The following DDX54 variants were observed in gnomAD, a reference collection of about 807,000 sequenced individuals.
DDX54 encodes DEAD-box helicase 54.
In DDX54, 67 loss-of-function variants were observed where a neutral mutation model predicts 105.5. The ratio of observed to expected loss-of-function variants is 0.64; its 90% CI spans 0.52 to 0.78. The LOEUF (loss-of-function observed/expected upper bound fraction) is 0.78. DDX54 is among the 30% of genes least tolerant of loss of function. DDX54 has a pLI of 0.00. For missense variants in DDX54, 1,206 were observed against 1,230.5 expected, an observed-to-expected ratio of 0.98 and a Z score of 0.30; for synonymous variants, 514 against 509.9, an observed-to-expected ratio of 1.01 and a Z score of -0.11.
chr12:113,159,857 GTCC>G (rs1016189216), intron 19 of DDX54, among the ~76,000 whole-genome samples: 9 of 152,014 alleles, frequency 5.9e-5, no homozygotes, highest in African/African-American at 1.9e-4. Flanking sequence ...TAAGCCCTGT[GTCC>G]TCCTCCTCCT....
intron 12 of DDX54, 146 bp downstream of exon 12, chr12:113,169,624 A>G (rs1037281539): frequency 8.7e-7 from 1 of 1,154,740 alleles, no homozygotes; most frequent in African/African-American, 1.6e-5. Flanking sequence ...CTGTCTCAAA[A>G]AATAAACAAA....
Position 113,165,700 on chromosome 12 carries a change from C to T in DDX54, c.1663G>A (p.Glu555Lys), listed in dbSNP as rs754610471. Residue 555 changes from glutamate (E) to lysine (K), a missense_variant, in exon 14 of 20, where the codon GAG becomes AAG. This residue lies in a region of DDX54 where 961 missense variants were observed against 1,019.1 expected (regional missense o/e 0.94). Coordinates refer to ENST00000306014, the MANE Select transcript of DDX54 (RefSeq NM_024072.4). ...HPLFSSRFEE[E>K]ELQRLRLVDS... Reference sequence around the variant, plus strand: ...ACCAGCCTCAGCCGCTGCAGCTCCTCCTCCTCAAAACGCGAGCCTGGTAGG... The same window carrying T: ...ACCAGCCTCAGCCGCTGCAGCTCCTTCTCCTCAAAACGCGAGCCTGGTAGG... 1 of 1,613,652 alleles carries T rather than the reference C, an allele frequency of 6.2e-7. No individual in the cohort carries two copies. The highest frequency in any genetic ancestry group is 1.3e-5 in the African/African-American group (1 of 75,058).
chr12:113,157,691 G>A lies in DDX54; in HGVS notation c.*1186C>T. The A allele has an allele frequency of 6.4e-7, 1 of 1,550,560 alleles. No homozygotes were observed. Reference sequence around the variant, plus strand: ...CCCCTGCCTCCTAGCCCTGACACAGGTGAGCAGCGGGAGAGGGAACCCCTG... The same window carrying A: ...CCCCTGCCTCCTAGCCCTGACACAGATGAGCAGCGGGAGAGGGAACCCCTG... On this transcript the variant is annotated 3_prime_UTR_variant, in exon 20 of 20. Transcript: ENST00000306014.
At chr12:113,170,416 G>A (rs1405090825) in intron 11 of DDX54, among the ~76,000 whole-genome samples, 1 of 152,202 alleles carries the variant, frequency 6.6e-6, no homozygotes, top group African/African-American at 2.4e-5. Flanking sequence ...TGAGGTGGGA[G>A]AATCACTTGA....
In DDX54 at chr12:113,165,687, C is replaced by A; in HGVS notation, c.1676G>T (p.Arg559Leu). ...SSRFEEEELQ[R>L]LRLVDSIKNY... The stretch of plus-strand genomic sequence containing the variant: ...CTTTATGCTGTCCACCAGCCTCAGC[C>A]GCTGCAGCTCCTCCTCCTCAAAACG... The change falls in exon 14 of 20, where the codon CGG (arginine) becomes CTG (leucine). Residue 559 changes from arginine (R) to leucine (L), a missense_variant. Arg to Leu is a moderately radical substitution (Grantham distance 102, BLOSUM62 -2). Coordinates refer to ENST00000306014, the MANE Select transcript of DDX54 (RefSeq NM_024072.4). The A allele has an allele frequency of 5.0e-6, 8 of 1,613,658 alleles. No homozygotes were observed. Among genetic ancestry groups the A allele is most frequent in the Non-Finnish European group, 5.9e-6 (7 of 1,179,808 alleles).
In DDX54 at chr12:113,163,200, C is replaced by T. The variant is rs762542882; in HGVS notation, c.2013G>A (p.Glu671=). The T allele has an allele frequency of 1.2e-6, 2 of 1,612,438 alleles. No individual in the cohort carries two copies. Among genetic ancestry groups the T allele is most frequent in the Non-Finnish European group, 1.7e-6 (2 of 1,179,998 alleles). The change falls in exon 16 of 20, where the codon GAG becomes GAA. Residue 671 remains glutamate, a synonymous_variant. Transcript: ENST00000306014. This position sits in a 1 kb window ranked among gnomAD's most constrained non-coding sequence, Gnocchi z 5.9. ...ATTCCTGGTCCCGCTGCCGGGCCTC[C>T]TCCCTCCGCCTCTTGGCTCCCCTGT... ...GPNRGAKRRR[E]EARQRDQEFY...
chr12:113,157,697 A>G lies in DDX54; in HGVS notation c.*1180T>C, dbSNP rs1199165595. On this transcript the variant is annotated 3_prime_UTR_variant, in exon 20 of 20. Coordinates refer to ENST00000306014, the MANE Select transcript of DDX54 (RefSeq NM_024072.4). The stretch of plus-strand genomic sequence containing the variant: ...CCTCCTAGCCCTGACACAGGTGAGC[A>G]GCGGGAGAGGGAACCCCTGAGAGAC... 1 of 1,549,350 alleles carries G rather than the reference A, an allele frequency of 6.5e-7. No homozygotes were observed. Among genetic ancestry groups the G allele is most frequent in the Non-Finnish European group, 8.7e-7 (1 of 1,145,276 alleles).
At position 113,172,512 on chromosome 12, in the gene DDX54, G is replaced by T. The variant is rs1271337936; in HGVS notation, c.1120C>A (p.Pro374Thr). The T allele has an allele frequency of 6.2e-7, 1 of 1,614,140 alleles. No individual in the cohort carries two copies. The highest frequency in any genetic ancestry group is 1.7e-5 in the Admixed American group (1 of 60,012). ...SCAHIYSALD[P>T]TARKINLAKF... ...GCGAGATTGATCTTGCGGGCTGTCGGGTCTAGGGCACTGTAGATGTGGGCG... is the reference window on the plus strand; with the variant it reads ...GCGAGATTGATCTTGCGGGCTGTCGTGTCTAGGGCACTGTAGATGTGGGCG... Residue 374 changes from proline to threonine, a missense_variant, in exon 11 of 20, where the codon CCG becomes ACG. Physicochemically the swap from Pro to Thr is conservative, Grantham distance 38. This residue lies in a region of DDX54 where 961 missense variants were observed against 1,019.1 expected (regional missense o/e 0.94). Coordinates refer to ENST00000306014, the MANE Select transcript of DDX54 (RefSeq NM_024072.4).
At chr12:113,159,851 C>A (rs1952183066) in intron 19 of DDX54, among the ~76,000 whole-genome samples, 1 of 152,112 alleles carries the variant, frequency 6.6e-6, no homozygotes, top group Admixed American at 6.5e-5. Context: ...TCCCACTAAG[C>A]CCTGTGTCCT....
intron 12 of DDX54, among the ~76,000 whole-genome samples, chr12:113,167,697 G>A (rs1952292639): frequency 6.6e-6 from 1 of 152,212 alleles, no homozygotes; most frequent in South Asian, 2.1e-4. Context: ...GGCTAGCTCT[G>A]GAGCAAATGC....
chr12:113,174,811 T>C (rs1952381655), intron 9 of DDX54, 40 bp from the exon 10 acceptor site: 1 of 1,614,082 alleles, frequency 6.2e-7, no homozygotes. Context: ...TACGGGGTCC[T>C]GGCCCAGGGC....
rs764219580 is a variant in DDX54, at chr12:113,174,951, G to C, written c.875-15C>G. On this transcript the variant is annotated splice_polypyrimidine_tract_variant and intron_variant, in intron 8 of 19. Transcript: ENST00000306014. ...CTCCGTGAGGCCTGCAGGAGACATG[G>C]GGGAAAGTGGGGGAGTCGCAGAGGG... 30 of 1,612,322 alleles carry C rather than the reference G, an allele frequency of 1.9e-5. No homozygotes were observed. In the Admixed American group the frequency reaches 4.5e-4, roughly 24 times the overall value.
At chr12:113,177,648 C>T (rs1405366773) in intron 5 of DDX54, among the ~76,000 whole-genome samples, 2 of 152,116 alleles carry the variant, frequency 1.3e-5, no homozygotes, top group African/African-American at 2.4e-5. Flanking sequence ...GCAAACTCTC[C>T]GAGAATCAAG....
chr12:113,168,215 T>C (rs1952298309), intron 12 of DDX54, among the ~76,000 whole-genome samples: 2 of 152,188 alleles, frequency 1.3e-5, no homozygotes, highest in South Asian at 4.1e-4. Flanking sequence ...CATGGTCACC[T>C]GAGGGGGCCG....
intron 11 of DDX54, among the ~76,000 whole-genome samples, chr12:113,171,667 C>A (rs1363765136): frequency 2.0e-5 from 3 of 151,742 alleles, no homozygotes; most frequent in African/African-American, 7.3e-5. Flanking sequence ...AGACTCAATG[C>A]CACTCCACTG....
Position 113,162,012 on chromosome 12 carries a change from G to T in DDX54, c.2196-15C>A, listed in dbSNP as rs1221757675. 1 of 1,611,542 alleles carries T rather than the reference G, an allele frequency of 6.2e-7. No homozygotes were observed. The highest frequency in any genetic ancestry group is 8.5e-7 in the Non-Finnish European group (1 of 1,179,410). Reference sequence around the variant, plus strand: ...TCTTACGGTCCCTGCAGGAGAGGGAGTTGGGACGGCTGCCGTGGAGGGAAA... The same window carrying T: ...TCTTACGGTCCCTGCAGGAGAGGGATTTGGGACGGCTGCCGTGGAGGGAAA... On this transcript the variant is annotated splice_polypyrimidine_tract_variant and intron_variant, in intron 17 of 19. Transcript: ENST00000306014.
rs780479279 is a variant in DDX54, at chr12:113,159,105, T to G, written c.2418A>C (p.Ala806=). Residue 806 remains alanine (A), a synonymous_variant, in exon 20 of 20, where the codon GCA becomes GCC. Transcript: ENST00000306014. Reference sequence around the variant, plus strand: ...GGGTGCCTGGGGCGTGGGGCCGGGATGCACCTGCTGGGACAGGGATTCAGG... The same window carrying G: ...GGGTGCCTGGGGCGTGGGGCCGGGAGGCACCTGCTGGGACAGGGATTCAGG... ...RGGKRDRGQG[A]SRPHAPGTPA... is the part of the protein sequence containing the mutation. 1.3e-6 allele frequency: 2 copies of G among 1,594,130 alleles called. No homozygotes were observed. Among genetic ancestry groups the G allele is most frequent in the South Asian group, 2.2e-5 (2 of 89,142 alleles).
At chr12:113,181,456 C>T (rs114873976) in intron 1 of DDX54, among the ~76,000 whole-genome samples, 1,766 of 151,538 alleles carry the variant, frequency 0.012, 37 homozygotes, top group African/African-American at 0.041. Context: ...CCACATCTGG[C>T]TAATTTTTTT....
Position 113,161,321 on chromosome 12 carries a change from A to G in DDX54, c.2362T>C (p.Ser788Pro). ...DDRDSDEEGASDRRGPERRGG... is the reference protein window; with the variant it reads ...DDRDSDEEGAPDRRGPERRGG... ...CTTCGCTCTGGGCCTCGCCGGTCAG[A>G]TGCCCCTTCTTCGTCCGAGTCACGA... Residue 788 changes from serine (S) to proline (P), a missense_variant, in exon 19 of 20, where the codon TCT becomes CCT. Physicochemically the swap from Ser to Pro is moderately conservative, Grantham distance 74. Coordinates refer to ENST00000306014, the MANE Select transcript of DDX54 (RefSeq NM_024072.4). 1 of 1,613,560 alleles carries G rather than the reference A, an allele frequency of 6.2e-7. No homozygotes were observed. The highest frequency in any genetic ancestry group is 8.5e-7 in the Non-Finnish European group (1 of 1,179,746).
Sources: gnomAD v4.1 joint callset for allele counts (sites outside exome capture counted in the v4.1 genomes callset) on GRCh38, gnomAD v4.1.1 for gene constraint, gnomAD v4.1.1 regional missense constraint, Gnocchi (gnomAD v3.1) non-coding constraint, MANE v1.5 for transcripts, NCBI Gene and HGNC (gene_info 2026-07-23, HGNC 2026-07-21) for gene names.